The following RBMS1 variants were observed in gnomAD, a reference collection of about 807,000 sequenced individuals.
RBMS1 encodes RNA-binding motif, single-stranded-interacting protein 1.
In RBMS1, 17 loss-of-function variants were observed where a neutral mutation model predicts 62.3. The observed-to-expected ratio is 0.27, with a 90% CI of 0.19 to 0.41. The LOEUF (loss-of-function observed/expected upper bound fraction) is 0.41. Among genes scored for constraint, RBMS1 ranks in the 10% least tolerant of loss-of-function variants. The pLI is 1.00. For synonymous variants in RBMS1, 172 were observed against 170.0 expected (o/e 1.01, Z -0.09); for missense variants, 334 against 504.5 (o/e 0.66, Z 3.24).
At chr2:160,456,490 A>G (rs888016868) in intron 1 of RBMS1, among the ~76,000 whole-genome samples, 5 of 152,328 alleles carry the variant, frequency 3.3e-5, no homozygotes, top group Non-Finnish European at 5.9e-5. Flanking sequence ...CTTCTAATGG[A>G]AAGTTTTCTA....
At chr2:160,435,852 G>A (rs1421944650) in intron 1 of RBMS1, among the ~76,000 whole-genome samples, 2 of 152,194 alleles carry the variant, frequency 1.3e-5, no homozygotes, top group Admixed American at 1.3e-4. Flanking sequence ...ATGACTTAGA[G>A]TGTGTAACTA....
intron 2 of RBMS1, among the ~76,000 whole-genome samples, chr2:160,323,607 T>C (rs760143646): frequency 3.7e-4 from 31 of 83,022 alleles, no homozygotes; most frequent in Non-Finnish European, 6.5e-4. Flanking sequence ...TAGAATTTCA[T>C]GAAAGAAAAA....
At chr2:160,426,667 C>T (rs944980476) in intron 1 of RBMS1, among the ~76,000 whole-genome samples, 3 of 152,088 alleles carry the variant, frequency 2.0e-5, no homozygotes, top group Non-Finnish European at 4.4e-5. Flanking sequence ...AAAGGAGGTA[C>T]TTTGTTTGCT....
chr2:160,298,675 AG>A (rs1266728795), intron 6 of RBMS1, among the ~76,000 whole-genome samples: 2 of 152,168 alleles, frequency 1.3e-5, no homozygotes, highest in Non-Finnish European at 2.9e-5. Flanking sequence ...GGATAAAAAG[AG>A]GGGAAATTCT....
intron 2 of RBMS1, among the ~76,000 whole-genome samples, chr2:160,342,116 A>G (rs1266687237): frequency 2.0e-5 from 3 of 152,144 alleles, no homozygotes; most frequent in Admixed American, 6.6e-5. Flanking sequence ...TTGGCATAAT[A>G]TCATTAAACT....
rs571504811 is a variant in RBMS1 at position 160,387,244 on chromosome 2, T to C, written c.76-19853A>G. 7.2e-5 allele frequency among the ~76,000 whole-genome samples: 11 copies of C among 152,242 alleles called. No individual in the cohort carries two copies. The South Asian group carries it at 2.3e-3, about 32-fold the overall frequency. ...GCAGCAGCTGGGGATGCGGTGATGC[T>C]AGTAAATGGGAAAAGACTGAGGCAA... On this transcript the variant is annotated intron_variant, in intron 1 of 13. Coordinates refer to ENST00000348849, the MANE Select transcript of RBMS1 (RefSeq NM_016836.4).
In RBMS1 at chr2:160,450,547, A is replaced by T. The variant is rs1329325633; in HGVS notation, c.75+42742T>A. 2.1e-3 allele frequency among the ~76,000 whole-genome samples: 119 copies of T among 57,578 alleles called. 8 individuals carry two copies. Among genetic ancestry groups the T allele is most frequent in the African/African-American group, 4.6e-3 (102 of 22,336 alleles). The allele number at this position is 57,578 out of a possible 152,430, so 37.8% of individuals were successfully genotyped here. On this transcript the variant is annotated intron_variant, in intron 1 of 13. Transcript: ENST00000348849. ...AAAAGTGAAATTCCATCTCAAAAAA[A>T]ATAAAAAATAAAAAATGAAAAAAAA... is the stretch of plus-strand genomic sequence containing the variant.
rs141274997 is a variant in RBMS1 at position 160,313,295 on chromosome 2, AGGTAAAAG to A, written c.311-56_311-49del. 10,125 of 1,566,972 alleles carry A rather than the reference AGGTAAAAG, an allele frequency of 6.5e-3. 303 individuals carry two copies. In the African/African-American group the frequency reaches 0.082, roughly 13 times the overall value. Reference sequence around the variant, plus strand: ...GTATTTAAGCCATTATTCTGTGGTTAGGTAAAAGGGTAAAAGAACAGCTCTACTTTGTT... The same window carrying A: ...GTATTTAAGCCATTATTCTGTGGTTAGGTAAAAGAACAGCTCTACTTTGTT... On this transcript the variant is annotated intron_variant, in intron 3 of 13. Transcript: ENST00000348849.
chr2:160,414,517 T>C (rs1696146208), intron 1 of RBMS1, among the ~76,000 whole-genome samples: 1 of 152,208 alleles, frequency 6.6e-6, no homozygotes, highest in South Asian at 2.1e-4. Context: ...TAGATGCTTA[T>C]TTTAGGTCAA....
chr2:160,460,907 T>A (rs114508701), intron 1 of RBMS1, among the ~76,000 whole-genome samples: 3,481 of 152,324 alleles, frequency 0.023, 55 homozygotes, highest in Non-Finnish European at 0.032. Context: ...CCGTCCTTCA[T>A]CTAGTCTACA....
At chr2:160,327,141 A>G (rs1156947346) in intron 2 of RBMS1, among the ~76,000 whole-genome samples, 1 of 152,236 alleles carries the variant, frequency 6.6e-6, no homozygotes, top group Non-Finnish European at 1.5e-5. Context: ...TTTCAAGAGA[A>G]GATACAGACA....
chr2:160,432,803 A>T (rs1296475303), intron 1 of RBMS1, among the ~76,000 whole-genome samples: 1 of 152,236 alleles, frequency 6.6e-6, no homozygotes, highest in African/African-American at 2.4e-5. Context: ...GCTCACTGCC[A>T]ACACTGCAGG....
At chr2:160,468,524 T>G (rs1314918672) in intron 1 of RBMS1, among the ~76,000 whole-genome samples, 1 of 152,202 alleles carries the variant, frequency 6.6e-6, no homozygotes, top group East Asian at 1.9e-4. Flanking sequence ...TTATTTTCAT[T>G]CCTTCAATTT....
chr2:160,347,447 A>C (rs1692248654), intron 2 of RBMS1, among the ~76,000 whole-genome samples: 1 of 152,182 alleles, frequency 6.6e-6, no homozygotes, highest in Non-Finnish European at 1.5e-5. Context: ...TTACAGCATC[A>C]GTGTGATATC....
intron 1 of RBMS1, among the ~76,000 whole-genome samples, chr2:160,414,391 C>T (rs1696142631): frequency 6.6e-6 from 1 of 151,862 alleles, no homozygotes; most frequent in East Asian, 1.9e-4. Flanking sequence ...TGTAGGATGG[C>T]TGAGATGGTG....
chr2:160,480,110 A>G (rs966357770), intron 1 of RBMS1, among the ~76,000 whole-genome samples: 1 of 152,154 alleles, frequency 6.6e-6, no homozygotes, highest in African/African-American at 2.4e-5. Context: ...TTGCTTTCAC[A>G]ATATCAGGGG....
At chr2:160,476,102 C>T (rs551543964) in intron 1 of RBMS1, among the ~76,000 whole-genome samples, 2 of 152,286 alleles carry the variant, frequency 1.3e-5, no homozygotes, top group African/African-American at 4.8e-5. Flanking sequence ...AAGTGATCCA[C>T]CCACCTCGGC....
intron 2 of RBMS1, among the ~76,000 whole-genome samples, chr2:160,325,728 A>T (rs1690886393): frequency 6.6e-6 from 1 of 152,212 alleles, no homozygotes. Flanking sequence ...AGAAAGGGTC[A>T]TTACCCATGT....
chr2:160,296,854 G>C (rs1237166487), intron 6 of RBMS1, among the ~76,000 whole-genome samples: 1 of 152,192 alleles, frequency 6.6e-6, no homozygotes, highest in African/African-American at 2.4e-5. Context: ...TTCTGTGGCA[G>C]TTGCTCACTT....
Sources: gnomAD v4.1 joint callset for allele counts (sites outside exome capture counted in the v4.1 genomes callset) on GRCh38, gnomAD v4.1.1 for gene constraint, MANE v1.5 for transcripts, NCBI Gene and HGNC (gene_info 2026-07-23, HGNC 2026-07-21) for gene names.